SHLD2: variants seen among roughly 807,000 people sequenced by gnomAD.
The protein encoded by SHLD2 is shieldin complex subunit 2.
SHLD2 carries 30 observed loss-of-function variants against 73.2 expected under a neutral mutation model. The observed-to-expected ratio is 0.41, with a 90% CI of 0.31 to 0.56. SHLD2 has a LOEUF of 0.56. Among genes scored for constraint, SHLD2 ranks in the 20% least tolerant of loss-of-function variants. The pLI is 0.28. For synonymous variants in SHLD2, 285 were observed against 370.1 expected (o/e 0.77, Z 2.64); for missense variants, 745 against 1,055.9 (o/e 0.71, Z 4.08).
chr10:87,110,847 ATTT>A (rs909093567), intron 2 of SHLD2, among the ~76,000 whole-genome samples: 1 of 146,502 alleles, frequency 6.8e-6, no homozygotes. Flanking sequence ...ATTAAAATTA[ATTT>A]TTTTTTTTTG....
intron 2 of SHLD2, among the ~76,000 whole-genome samples, chr10:87,146,020 T>A (rs964181641): frequency 3.9e-5 from 6 of 152,192 alleles, no homozygotes; most frequent in South Asian, 4.1e-4. Flanking sequence ...ACTCACATAC[T>A]CACAACTCCT....
upstream of SHLD2, chr10:87,094,846 A>G: frequency 1.7e-6 from 2 of 1,197,160 alleles, no homozygotes; most frequent in Admixed American, 2.0e-5. The surrounding 1 kb of genome is among the most constrained non-coding windows in gnomAD (Gnocchi z 6.6). Flanking sequence ...CTAGGGAGGA[A>G]GGGTCCCGCG....
intron 4 of SHLD2, among the ~76,000 whole-genome samples, chr10:87,166,727 T>C (rs1324853119): frequency 6.6e-6 from 1 of 152,192 alleles, no homozygotes; most frequent in African/African-American, 2.4e-5. Context: ...ATATGATATT[T>C]ATGTAGAAGA....
At chr10:87,107,056 T>C (rs1433762390) in intron 2 of SHLD2, among the ~76,000 whole-genome samples, 1 of 150,504 alleles carries the variant, frequency 6.6e-6, no homozygotes, top group African/African-American at 2.4e-5. Context: ...AGAGAGACTA[T>C]TTTTTTTCTA....
chr10:87,124,745 TG>T (rs1028782457), intron 2 of SHLD2, among the ~76,000 whole-genome samples: 5 of 133,090 alleles, frequency 3.8e-5, no homozygotes, highest in Non-Finnish European at 6.4e-5. Context: ...TTAAAAAAAT[TG>T]TTTTTTTTTT....
Position 87,150,299 on chromosome 10 carries a change from A to C in SHLD2, c.-5-1051A>C, listed in dbSNP as rs562446370. On this transcript the variant is annotated intron_variant, in intron 2 of 9. Transcript: ENST00000298786. ...TGGCTGGTCTTGAACTCCTGACCTC[A>C]AGTGATCCACCCCCTTGGCCTCCCA... Among the ~76,000 whole-genome samples, 54 of 151,632 alleles carry C rather than the reference A, an allele frequency of 3.6e-4. 1 individual carries two copies. Among genetic ancestry groups the C allele is most frequent in the Admixed American group, 3.2e-3 (48 of 15,222 alleles).
At chr10:87,148,882 CTT>C (rs568650093) in intron 2 of SHLD2, among the ~76,000 whole-genome samples, 8 of 139,250 alleles carry the variant, frequency 5.7e-5, no homozygotes, top group African/African-American at 5.3e-5. Context: ...TTCCCACCAA[CTT>C]TTTTTTTTTT....
intron 2 of SHLD2, among the ~76,000 whole-genome samples, chr10:87,098,196 G>A (rs1842029693): frequency 6.6e-6 from 1 of 152,046 alleles, no homozygotes. Context: ...TCACACTGTA[G>A]GTATTATAAT....
At position 87,163,555 on chromosome 10, in the gene SHLD2, A is replaced by G. The variant is rs552496681; in HGVS notation, c.1633+5400A>G. On this transcript the variant is annotated intron_variant, in intron 4 of 9. Transcript: ENST00000298786. ...ATATTGACTGGATTCTATAAGGCTA[A>G]TGACAGAAAGGACTGTACATAAATG... 5.4e-4 allele frequency among the ~76,000 whole-genome samples: 82 copies of G among 152,004 alleles called. 1 individual carries two copies. The highest frequency in any genetic ancestry group is 9.0e-4 in the Non-Finnish European group (61 of 67,966).
intron 7 of SHLD2, among the ~76,000 whole-genome samples, chr10:87,179,405 CTTT>C (rs60122400): frequency 1.4e-5 from 2 of 142,614 alleles, no homozygotes; most frequent in Non-Finnish European, 1.5e-5. Flanking sequence ...TCCTATTTGG[CTTT>C]TTTTTTTTTT....
At chr10:87,113,772 G>A (rs189092352) in intron 2 of SHLD2, among the ~76,000 whole-genome samples, 9 of 152,308 alleles carry the variant, frequency 5.9e-5, no homozygotes, top group East Asian at 1.9e-4. Flanking sequence ...TTGGGAGGCC[G>A]AGGCGAGTGG....
intron 2 of SHLD2, among the ~76,000 whole-genome samples, chr10:87,121,111 C>T (rs1399013107): frequency 6.6e-6 from 1 of 151,894 alleles, no homozygotes; most frequent in Non-Finnish European, 1.5e-5. Flanking sequence ...TGGTTTAAAT[C>T]CTGGCTTTTT....
In SHLD2 at chr10:87,170,890, G is replaced by A; in HGVS notation, c.1879G>A (p.Val627Met). The change falls in exon 6 of 10, where the codon GTG (valine) becomes ATG (methionine). Residue 627 changes from valine (V) to methionine (M), a missense_variant. By Grantham distance (21) the Val-to-Met change is conservative. Around this residue, in one of 5 missense-constraint regions of SHLD2, gnomAD observed 418 missense variants for 567.8 expected, o/e 0.74. Coordinates refer to ENST00000298786, the MANE Select transcript of SHLD2 (RefSeq NM_001330112.2). The stretch of plus-strand genomic sequence containing the variant: ...GAAGCAGAAAAAAGTTATGTTAACA[G>A]TGGAACAGGCCCAAGATCAACATTA... Reference protein sequence around the residue: ...GQKQKKVMLTVEQAQDQHYAL... With the variant: ...GQKQKKVMLTMEQAQDQHYAL... The A allele has an allele frequency of 1.2e-6, 2 of 1,609,906 alleles. No individual in the cohort carries two copies. The highest frequency in any genetic ancestry group is 1.7e-6 in the Non-Finnish European group (2 of 1,178,664).
intron 3 of SHLD2, among the ~76,000 whole-genome samples, chr10:87,155,234 C>T (rs557933057): frequency 7.9e-5 from 12 of 152,296 alleles, no homozygotes; most frequent in African/African-American, 2.9e-4. Context: ...CGCACCCGGC[C>T]GAGTACAATC....
intron 2 of SHLD2, among the ~76,000 whole-genome samples, chr10:87,108,323 A>G (rs2133983101): frequency 6.6e-6 from 1 of 152,318 alleles, no homozygotes; most frequent in Non-Finnish European, 1.5e-5. Context: ...TGCTAGGATT[A>G]CAGGCGTGAG....
At chr10:87,121,004 T>C (rs537046617) in intron 2 of SHLD2, among the ~76,000 whole-genome samples, 1 of 152,170 alleles carries the variant, frequency 6.6e-6, no homozygotes, top group African/African-American at 2.4e-5. Context: ...GAGCCGACAT[T>C]GCGCCATTGC....
chr10:87,143,308 A>T (rs1266878717), intron 2 of SHLD2, among the ~76,000 whole-genome samples: 1 of 151,908 alleles, frequency 6.6e-6, no homozygotes, highest in Non-Finnish European at 1.5e-5. Context: ...GAATTTGAGG[A>T]TTTCTTCTTC....
intron 8 of SHLD2, among the ~76,000 whole-genome samples, chr10:87,182,148 C>A (rs1848353160): frequency 6.6e-6 from 1 of 152,192 alleles, no homozygotes; most frequent in African/African-American, 2.4e-5. Flanking sequence ...AAACTCCCTT[C>A]AAGTTATCAA....
chr10:87,125,621 CA>C (rs1265585515), intron 2 of SHLD2, among the ~76,000 whole-genome samples: 2 of 152,214 alleles, frequency 1.3e-5, no homozygotes, highest in Admixed American at 1.3e-4. Context: ...CCTGTCATCC[CA>C]GCTACTGGGG....
Sources: allele counts gnomAD v4.1 joint callset (sites outside exome capture counted in the v4.1 genomes callset), GRCh38; gene constraint gnomAD v4.1.1; regional missense constraint gnomAD v4.1.1; non-coding constraint Gnocchi (gnomAD v3.1); transcripts MANE v1.5; gene names NCBI Gene and HGNC (gene_info 2026-07-23, HGNC 2026-07-21).